STON2: variants seen among roughly 807,000 people sequenced by gnomAD.
STON2 encodes the protein stonin 2, also known as stonin-2.
Under a neutral mutation model 65.7 loss-of-function variants are expected in STON2, and 29 were observed. That is an observed-to-expected ratio of 0.44 (90% CI 0.33 to 0.60). STON2 has a LOEUF of 0.60. Ranked by LOEUF, STON2 falls within the 20% of genes least tolerant of loss-of-function variation. STON2 has a pLI of 0.03. For synonymous variants in STON2, 404 were observed against 414.2 expected, an observed-to-expected ratio of 0.98 and a Z score of 0.30; for missense variants, 1,054 against 1,118.1, an observed-to-expected ratio of 0.94 and a Z score of 0.82.
rs771425761 is a variant in STON2, at chr14:81,277,490, C to A, written c.1992G>T (p.Gly664=). 8 of 1,614,024 alleles carry A rather than the reference C, an allele frequency of 5.0e-6. No individual in the cohort carries two copies. Among genetic ancestry groups the A allele is most frequent in the Admixed American group, 1.7e-5 (1 of 60,006 alleles). ...TGAGGCCCAGGCGGCACTCTGCGAG[C>A]CCAGACAGGAAACTCAGGATGTGGA... The part of the protein sequence containing the change: ...TRIHILSFLS[G]LAECRLGLND... Residue 664 remains glycine (G), a synonymous_variant, in exon 6 of 8, where the codon GGG becomes GGT. Coordinates refer to ENST00000614646, the MANE Select transcript of STON2 (RefSeq NM_001394390.1).
intron 4 of STON2, among the ~76,000 whole-genome samples, chr14:81,343,608 T>G (rs1385209436): frequency 1.3e-5 from 2 of 152,174 alleles, no homozygotes. Context: ...GCCAAGGATA[T>G]CAAATGAAAC....
chr14:81,315,773 A>G (rs1896596332), intron 5 of STON2, among the ~76,000 whole-genome samples: 1 of 152,252 alleles, frequency 6.6e-6, no homozygotes, highest in South Asian at 2.1e-4. Context: ...CCCAGGTTTT[A>G]AGTGGTAAAC....
intron 1 of STON2, among the ~76,000 whole-genome samples, chr14:81,399,944 C>T (rs1900519910): frequency 6.6e-6 from 1 of 152,156 alleles, no homozygotes; most frequent in African/African-American, 2.4e-5. Flanking sequence ...TTTGAAGCAC[C>T]ACACTAAGTG....
chr14:81,408,840 T>A (rs374894711), intron 2 of STON2, among the ~76,000 whole-genome samples: 8 of 152,216 alleles, frequency 5.3e-5, no homozygotes, highest in African/African-American at 1.7e-4. Flanking sequence ...CTGAGCAGTG[T>A]ATCACATTAG....
intron 1 of STON2, among the ~76,000 whole-genome samples, chr14:81,432,186 CA>C (rs950209119): frequency 6.7e-6 from 1 of 149,770 alleles, no homozygotes; most frequent in Non-Finnish European, 1.5e-5. Flanking sequence ...AAAACCATAG[CA>C]AAAAAAAAGA....
In STON2 at chr14:81,268,309, C is replaced by A. The variant is rs1234018919; in HGVS notation, c.*105G>T. ...TGTTCCCAACATGCAGTGGCCACAG[C>A]AGGTATTGACTGCAACTTCAGCTAC... On this transcript the variant is annotated 3_prime_UTR_variant, in exon 8 of 8. Transcript: ENST00000614646. 2 of 1,249,760 alleles carry A rather than the reference C, an allele frequency of 1.6e-6. No individual in the cohort carries two copies. Among genetic ancestry groups the A allele is most frequent in the Non-Finnish European group, 2.1e-6 (2 of 971,208 alleles). The allele number at this position is 1,249,760 out of a possible 1,614,324, so 77.4% of individuals were successfully genotyped here. A position where few individuals can be genotyped will look rare whatever the true frequency, so the allele number is the denominator to read the frequency against.
intron 4 of STON2, among the ~76,000 whole-genome samples, chr14:81,369,196 C>G (rs1425347366): frequency 2.0e-5 from 3 of 152,168 alleles, no homozygotes; most frequent in Non-Finnish European, 4.4e-5. Context: ...TCATTAAGCT[C>G]TCTCCAGATA....
chr14:81,279,621 G>A (rs553743297), intron 5 of STON2, among the ~76,000 whole-genome samples: 1 of 152,190 alleles, frequency 6.6e-6, no homozygotes, highest in African/African-American at 2.4e-5. Flanking sequence ...AACCCAGGAG[G>A]CAGAGATAGA....
intron 5 of STON2, among the ~76,000 whole-genome samples, chr14:81,295,666 T>C (rs759782946): frequency 5.3e-5 from 8 of 152,234 alleles, no homozygotes; most frequent in African/African-American, 1.2e-4. Context: ...TAAGTATTCT[T>C]TGCCTCCAAT....
intron 4 of STON2, among the ~76,000 whole-genome samples, chr14:81,365,375 A>C (rs1898674000): frequency 6.6e-6 from 1 of 152,206 alleles, no homozygotes; most frequent in Non-Finnish European, 1.5e-5. Flanking sequence ...AATACCTGCT[A>C]TGTGCTTCAT....
intron 2 of STON2, chr14:81,412,965 TA>T: frequency 9.8e-7 from 1 of 1,016,798 alleles, no homozygotes; most frequent in Non-Finnish European, 1.5e-6. Context: ...TCTCCATGGG[TA>T]ACCATGTGCG....
chr14:81,272,077 C>T (rs1282127657), intron 6 of STON2, among the ~76,000 whole-genome samples: 2 of 152,100 alleles, frequency 1.3e-5, no homozygotes, highest in Admixed American at 6.5e-5. Flanking sequence ...AAAAAATTAG[C>T]CGGGCGTGGT....
intron 4 of STON2, among the ~76,000 whole-genome samples, chr14:81,360,280 C>T (rs1024044200): frequency 3.3e-5 from 5 of 152,032 alleles, no homozygotes; most frequent in African/African-American, 9.7e-5. Flanking sequence ...AAATCCTCAA[C>T]AAAATACTGG....
intron 2 of STON2, among the ~76,000 whole-genome samples, chr14:81,415,878 C>G (rs1035820062): frequency 1.1e-4 from 17 of 152,076 alleles, no homozygotes; most frequent in African/African-American, 3.6e-4. Flanking sequence ...TCTGAGAACT[C>G]AGAAAAAGCA....
intron 4 of STON2, among the ~76,000 whole-genome samples, chr14:81,330,267 G>A (rs1216850636): frequency 2.6e-5 from 4 of 152,152 alleles, no homozygotes; most frequent in Admixed American, 2.6e-4. Context: ...GTGCTGGTCT[G>A]GCACCCTTTA....
intron 1 of STON2, among the ~76,000 whole-genome samples, chr14:81,430,286 T>C (rs1902175350): frequency 6.6e-6 from 1 of 152,230 alleles, no homozygotes; most frequent in South Asian, 2.1e-4. Flanking sequence ...ATAAATATTA[T>C]GTCTTTTCTC....
Position 81,266,002 on chromosome 14 carries a change from G to A in STON2, c.*2412C>T, listed in dbSNP as rs977279073. On this transcript the variant is annotated 3_prime_UTR_variant, in exon 8 of 8. Coordinates refer to ENST00000614646, the MANE Select transcript of STON2 (RefSeq NM_001394390.1). ...CTCAAAAGCCTTCAGTACAACAGGG[G>A]AAGAGATATGCGTTGAAATTCCTTG... The A allele has an allele frequency of 4.1e-6, 4 of 985,278 alleles. No individual in the cohort carries two copies. In the Admixed American group the frequency reaches 1.8e-4, roughly 45 times the overall value. 61.0% of individuals were successfully genotyped at this position (985,278 alleles called of 1,614,324 possible). A position where few individuals can be genotyped will look rare whatever the true frequency, so the allele number is the denominator to read the frequency against.
chr14:81,400,686 A>G (rs889116700), upstream of STON2, among the ~76,000 whole-genome samples: 1 of 152,132 alleles, frequency 6.6e-6, no homozygotes, highest in African/African-American at 2.4e-5. Context: ...TTAAAGATCA[A>G]CAACTTCAGG....
chr14:81,357,929 C>T (rs548143298), intron 4 of STON2, among the ~76,000 whole-genome samples: 38 of 149,010 alleles, frequency 2.6e-4, no homozygotes, highest in African/African-American at 8.9e-4. Context: ...GGGAGATATA[C>T]CTACTGCTAG....
Sources: gnomAD v4.1 joint callset for allele counts (sites outside exome capture counted in the v4.1 genomes callset) on GRCh38, gnomAD v4.1.1 for gene constraint, MANE v1.5 for transcripts, NCBI Gene and HGNC (gene_info 2026-07-23, HGNC 2026-07-21) for gene names.